Variants in ESR1 observed in about 807,000 individuals in gnomAD.
The protein encoded by ESR1 is estrogen receptor.
A neutral mutation model predicts 52.7 loss-of-function variants in ESR1; 12 were observed. The ratio of observed to expected loss-of-function variants is 0.23; its 90% CI spans 0.15 to 0.37. The LOEUF (loss-of-function observed/expected upper bound fraction) is 0.37. Among genes scored for constraint, ESR1 ranks in the 10% least tolerant of loss-of-function variants. The pLI, the probability that ESR1 is intolerant of heterozygous loss-of-function variation, is 1.00. For synonymous variants in ESR1, 305 were observed against 316.8 expected (o/e 0.96, Z 0.39); for missense variants, 584 against 779.7 (o/e 0.75, Z 2.99).
intron 2 of ESR1, among the ~76,000 whole-genome samples, chr6:151,743,938 A>C (rs1305514550): frequency 1.3e-5 from 2 of 148,902 alleles, no homozygotes; most frequent in Non-Finnish European, 3.0e-5. Context: ...CCTGATAATC[A>C]CTCATCTGCT....
chr6:151,928,124 T>C (rs2033039390), intron 3 of ESR1, among the ~76,000 whole-genome samples: 3 of 152,192 alleles, frequency 2.0e-5, no homozygotes, highest in Admixed American at 2.0e-4. Context: ...GTTTCTGTTT[T>C]CAATTTTATT....
chr6:151,698,691 G>A (rs1424699565), intron 1 of ESR1, among the ~76,000 whole-genome samples: 2 of 152,146 alleles, frequency 1.3e-5, no homozygotes, highest in Non-Finnish European at 2.9e-5. Flanking sequence ...GCTACTGGGG[G>A]TAGAGTCGGG....
rs144755751 is a variant in ESR1, at chr6:152,028,291, G to A, written c.1235+16497G>A. Among the ~76,000 whole-genome samples the A allele has an allele frequency of 7.0e-3, 1,073 of 152,302 alleles. 14 individuals are homozygous for A. The highest frequency in any genetic ancestry group is 0.024 in the African/African-American group (1,013 of 41,564). On this transcript the variant is annotated intron_variant, in intron 5 of 7. Transcript: ENST00000206249. ...TCATCTCACTGGGGACTATTGGACA[G>A]TGGGTGCAGGACAGTGGGTGCAGCG...
intron 1 of ESR1, among the ~76,000 whole-genome samples, chr6:151,809,607 C>T (rs1454480609): frequency 1.3e-5 from 2 of 152,106 alleles, no homozygotes; most frequent in Admixed American, 6.5e-5. Context: ...ATTCTGTTTC[C>T]AGGGATATTT....
chr6:152,069,460 A>G lies in ESR1; in HGVS notation c.1369+8336A>G, dbSNP rs1279482140. Among the ~76,000 whole-genome samples the G allele has an allele frequency of 3.7e-5, 5 of 136,396 alleles. 1 individual carries two copies. Among genetic ancestry groups the G allele is most frequent in the Admixed American group, 6.8e-5 (1 of 14,646 alleles). 89.5% of individuals were successfully genotyped at this position (136,396 alleles called of 152,430 possible). A position where few individuals can be genotyped will look rare whatever the true frequency, so the allele number is the denominator to read the frequency against. ...TCTATAGAAGTTAGGACATTGTGACAGGGGCTACGTGACTTTGAAGTGTTA... is the reference window on the plus strand; with the variant it reads ...TCTATAGAAGTTAGGACATTGTGACGGGGGCTACGTGACTTTGAAGTGTTA... On this transcript the variant is annotated intron_variant, in intron 6 of 7. Coordinates refer to ENST00000206249, the MANE Select transcript of ESR1 (RefSeq NM_000125.4).
chr6:151,783,170 A>G (rs933134961), intron 2 of ESR1, among the ~76,000 whole-genome samples: 9 of 152,242 alleles, frequency 5.9e-5, no homozygotes, highest in African/African-American at 1.9e-4. Flanking sequence ...TGGTGGCTGA[A>G]ATCCAGCCCC....
chr6:151,675,330 C>T (rs1778214943), intron 1 of ESR1, among the ~76,000 whole-genome samples: 1 of 152,092 alleles, frequency 6.6e-6, no homozygotes, highest in African/African-American at 2.4e-5. Flanking sequence ...CAGGTCCAAA[C>T]TTATGTTCTT....
intron 5 of ESR1, among the ~76,000 whole-genome samples, chr6:152,052,185 C>G (rs1175168198): frequency 6.6e-6 from 1 of 152,164 alleles, no homozygotes; most frequent in African/African-American, 2.4e-5. Flanking sequence ...ACGACCTGCT[C>G]TCCCATAAAC....
chr6:151,831,891 G>A (rs1782482427), intron 1 of ESR1, among the ~76,000 whole-genome samples: 1 of 152,120 alleles, frequency 6.6e-6, no homozygotes, highest in Non-Finnish European at 1.5e-5. Flanking sequence ...AGTCTAAGTT[G>A]CGGTCTAATC....
At chr6:152,076,263 A>C (rs1471215347) in intron 6 of ESR1, among the ~76,000 whole-genome samples, 2 of 152,192 alleles carry the variant, frequency 1.3e-5, no homozygotes, top group African/African-American at 4.8e-5. Flanking sequence ...TGGTTTTATC[A>C]GGGGTTTCCA....
At chr6:151,788,893 G>A (rs1219227133) in intron 2 of ESR1, among the ~76,000 whole-genome samples, 1 of 152,172 alleles carries the variant, frequency 6.6e-6, no homozygotes. Flanking sequence ...GTAAGTGGGA[G>A]CTACATGATT....
rs541966727 is a variant in ESR1, at chr6:151,734,623, C to CT, written c.-71+32628dup. Reference sequence around the variant, plus strand: ...CTCCCTGTATAAGGGCAAAGCTAACCTTTTTTTTTTCTTTTCATTGAGACA... The same window carrying CT: ...CTCCCTGTATAAGGGCAAAGCTAACCTTTTTTTTTTTCTTTTCATTGAGACA... On this transcript the variant is annotated intron_variant, in intron 2 of 2. Transcript: ENST00000404742. Among the ~76,000 whole-genome samples, 12 of 149,608 alleles carry CT rather than the reference C, an allele frequency of 8.0e-5. No homozygotes were observed. In the South Asian group the frequency reaches 8.6e-4, roughly 11 times the overall value.
At chr6:152,025,425 TG>T (rs1373667921) in intron 5 of ESR1, among the ~76,000 whole-genome samples, 4 of 151,910 alleles carry the variant, frequency 2.6e-5, no homozygotes, top group African/African-American at 7.2e-5. Flanking sequence ...CTGTAGTAAT[TG>T]GTCTCCTTAG....
At chr6:151,985,706 C>A (rs2040423224) in intron 4 of ESR1, among the ~76,000 whole-genome samples, 1 of 151,958 alleles carries the variant, frequency 6.6e-6, no homozygotes, top group Non-Finnish European at 1.5e-5. Flanking sequence ...CTCACGCTGT[C>A]CCCCAGGCTG....
chr6:152,060,213 A>G (rs774574896), intron 5 of ESR1, among the ~76,000 whole-genome samples: 55 of 152,188 alleles, frequency 3.6e-4, no homozygotes, highest in Admixed American at 7.9e-4. Context: ...TGCAACTACT[A>G]ATGTTAAATT....
chr6:151,952,002 G>A (rs2036381825), intron 4 of ESR1, among the ~76,000 whole-genome samples: 2 of 152,204 alleles, frequency 1.3e-5, no homozygotes, highest in South Asian at 4.1e-4. Context: ...CACCAGCTTG[G>A]TCTACATCCT....
intron 2 of ESR1, among the ~76,000 whole-genome samples, chr6:151,851,766 G>A (rs1172834079): frequency 6.6e-6 from 1 of 152,146 alleles, no homozygotes; most frequent in Non-Finnish European, 1.5e-5. Context: ...GACCTCAGGT[G>A]ATCTACCCGC....
intron 6 of ESR1, among the ~76,000 whole-genome samples, chr6:152,077,828 G>C (rs9478284): frequency 0.21 from 32,108 of 152,114 alleles, 4,788 homozygotes; most frequent in African/African-American, 0.41. Flanking sequence ...GCCTAAACCC[G>C]CATTGTATCT....
Position 151,944,387 on chromosome 6 carries a change from G to A in ESR1, c.975G>A (p.Pro325=), listed in dbSNP as rs1801132. 3.7e-6 allele frequency: 6 copies of A among 1,613,902 alleles called. No homozygotes were observed. The highest frequency in any genetic ancestry group is 5.1e-6 in the Non-Finnish European group (6 of 1,180,018). Residue 325 remains proline (P), a synonymous_variant, in exon 4 of 8, where the codon CCG becomes CCA. Transcript: ENST00000206249. ...MVSALLDAEP[P]ILYSEYDPTR... is the part of the protein sequence containing the mutation. ...GTGCCTTGTTGGATGCTGAGCCCCC[G>A]ATACTCTATTCCGAGTATGATCCTA...
Sources: allele counts gnomAD v4.1 joint callset (sites outside exome capture counted in the v4.1 genomes callset), GRCh38; gene constraint gnomAD v4.1.1; transcripts MANE v1.5; gene names NCBI Gene and HGNC (gene_info 2026-07-23, HGNC 2026-07-21).